The following STK32A variants were observed in gnomAD, a reference collection of about 807,000 sequenced individuals.
STK32A encodes the protein serine/threonine-protein kinase 32A.
In STK32A, 41 loss-of-function variants were observed where a neutral mutation model predicts 53.2. That is an observed-to-expected ratio of 0.77 (90% CI 0.60 to 1.00). STK32A has a LOEUF of 1.00. Among genes scored for constraint, STK32A ranks in the 50% least tolerant of loss-of-function variants. STK32A has a pLI of 0.00. For synonymous variants in STK32A, 166 were observed against 162.8 expected, an observed-to-expected ratio of 1.02 and a Z score of -0.15; for missense variants, 458 against 485.8, an observed-to-expected ratio of 0.94 and a Z score of 0.54.
Position 147,252,602 on chromosome 5 carries a change from A to T in STK32A, c.52+12916A>T, listed in dbSNP as rs187159542. 6.6e-5 allele frequency among the ~76,000 whole-genome samples: 10 copies of T among 152,352 alleles called. No homozygotes were observed. The East Asian group carries it at 1.4e-3, about 21-fold the overall frequency. ...ATGCATAGTTAAAAGCAAGATTTAC[A>T]ATTATAGAAGGAATGCAAATGAGTT... On this transcript the variant is annotated intron_variant, in intron 2 of 12. Coordinates refer to ENST00000397936, the MANE Select transcript of STK32A (RefSeq NM_001112724.2).
chr5:147,242,839 G>T (rs1753634227), intron 2 of STK32A, among the ~76,000 whole-genome samples: 1 of 152,142 alleles, frequency 6.6e-6, no homozygotes, highest in African/African-American at 2.4e-5. Context: ...ATTTTGTAAA[G>T]TTCATTTGAC....
Position 147,278,182 on chromosome 5 carries a change from G to A in STK32A, c.108+3G>A. ...TTGGGAAAGGCAGTTTTGGGAAGGTGAGAACAAATTGAAATGATTAACCAC... is the reference window on the plus strand; with the variant it reads ...TTGGGAAAGGCAGTTTTGGGAAGGTAAGAACAAATTGAAATGATTAACCAC... On this transcript the variant is annotated splice_donor_region_variant and intron_variant, in intron 3 of 12. Coordinates refer to ENST00000397936, the MANE Select transcript of STK32A (RefSeq NM_001112724.2). The A allele has an allele frequency of 6.3e-7, 1 of 1,595,054 alleles. No homozygotes were observed. The highest frequency in any genetic ancestry group is 8.5e-7 in the Non-Finnish European group (1 of 1,169,774).
At chr5:147,368,590 G>A (rs1026012711) in intron 8 of STK32A, among the ~76,000 whole-genome samples, 2 of 152,070 alleles carry the variant, frequency 1.3e-5, no homozygotes, top group East Asian at 1.9e-4. Context: ...CTGGAACATG[G>A]TAGGCATTCA....
chr5:147,248,925 T>TG (rs34996378), intron 2 of STK32A, among the ~76,000 whole-genome samples: 1 of 151,690 alleles, frequency 6.6e-6, no homozygotes, highest in Admixed American at 6.6e-5. Context: ...GATGAAGTAA[T>TG]TTTTTTTTAT....
In STK32A at chr5:147,330,101, G is replaced by C. The variant is rs574332297; in HGVS notation, c.434+6030G>C. On this transcript the variant is annotated intron_variant, in intron 5 of 12. Transcript: ENST00000397936. Reference sequence around the variant, plus strand: ...AAGAACATACCTTTATCAGCTCGCAGTTTCTTTGGGACAGGTGTCTGGGCA... The same window carrying C: ...AAGAACATACCTTTATCAGCTCGCACTTTCTTTGGGACAGGTGTCTGGGCA... Among the ~76,000 whole-genome samples, 9 of 152,272 alleles carry C rather than the reference G, an allele frequency of 5.9e-5. 1 individual carries two copies. In the South Asian group the frequency reaches 1.9e-3, roughly 32 times the overall value.
intron 2 of STK32A, among the ~76,000 whole-genome samples, chr5:147,254,792 A>G (rs1310226790): frequency 6.6e-6 from 1 of 152,170 alleles, no homozygotes; most frequent in African/African-American, 2.4e-5. Flanking sequence ...GGTGATCTGA[A>G]TGAGTCAGGG....
At position 147,328,227 on chromosome 5, in the gene STK32A, A is replaced by G. The variant is rs1895566; in HGVS notation, c.434+4156A>G. The stretch of plus-strand genomic sequence containing the variant: ...TCCTCACTTGTTTCCCTGTGTTAAC[A>G]TAGAAGGGGGTCTTTTTAAAATTTT... On this transcript the variant is annotated intron_variant, in intron 5 of 12. Transcript: ENST00000397936. Among the ~76,000 whole-genome samples, 2,056 of 152,322 alleles carry G rather than the reference A, an allele frequency of 0.013. 139 individuals are homozygous for G. In the East Asian group the frequency reaches 0.2, roughly 15 times the overall value.
intron 4 of STK32A, among the ~76,000 whole-genome samples, chr5:147,289,628 T>C (rs1752506765): frequency 1.3e-5 from 2 of 151,860 alleles, no homozygotes; most frequent in African/African-American, 2.4e-5. Context: ...TATATATGTA[T>C]TATATATATG....
chr5:147,364,998 G>T (rs1756682139), intron 8 of STK32A, among the ~76,000 whole-genome samples: 1 of 152,110 alleles, frequency 6.6e-6, no homozygotes, highest in South Asian at 2.1e-4. Context: ...CTAAAGAATT[G>T]GGTATCTCAA....
intron 7 of STK32A, 126 bp from the exon 8 acceptor site, chr5:147,361,391 T>C: frequency 1.4e-6 from 1 of 715,460 alleles, no homozygotes. Flanking sequence ...TAGCAACGGA[T>C]GATAAACATC....
chr5:147,374,331 T>C (rs183492964), intron 10 of STK32A, among the ~76,000 whole-genome samples: 28 of 151,000 alleles, frequency 1.9e-4, no homozygotes, highest in African/African-American at 6.3e-4. Context: ...AGGCATTTGC[T>C]GTGGGAATGT....
the STK32A span, among the ~76,000 whole-genome samples, chr5:147,394,936 C>T: frequency 5.3e-5 from 8 of 152,154 alleles, no homozygotes; most frequent in Middle Eastern, 3.4e-3. Flanking sequence ...TATAGGAATG[C>T]GAATCTACAT....
At chr5:147,371,854 C>G (rs1302765791) in intron 9 of STK32A, among the ~76,000 whole-genome samples, 1 of 152,120 alleles carries the variant, frequency 6.6e-6, no homozygotes, top group Admixed American at 6.6e-5. Context: ...CAAAAACAAA[C>G]AAAAATAACT....
intron 2 of STK32A, among the ~76,000 whole-genome samples, chr5:147,254,704 G>A (rs1194475858): frequency 6.6e-6 from 1 of 152,178 alleles, no homozygotes; most frequent in Non-Finnish European, 1.5e-5. Context: ...CTAATTTAAA[G>A]AGAATGACGG....
chr5:147,332,784 C>T (rs917926777), intron 5 of STK32A, among the ~76,000 whole-genome samples: 2 of 152,150 alleles, frequency 1.3e-5, no homozygotes, highest in Admixed American at 6.5e-5. Flanking sequence ...CACCTGCTCC[C>T]GAGCTACCGA....
chr5:147,318,430 GCA>G (rs1338615276), intron 4 of STK32A, among the ~76,000 whole-genome samples: 1 of 151,646 alleles, frequency 6.6e-6, no homozygotes, highest in Non-Finnish European at 1.5e-5. Flanking sequence ...GTATATCTTG[GCA>G]CAGTTTTTCG....
At chr5:147,264,351 G>A (rs571987427) in intron 2 of STK32A, among the ~76,000 whole-genome samples, 7 of 152,224 alleles carry the variant, frequency 4.6e-5, no homozygotes, top group Non-Finnish European at 4.4e-5. Context: ...TTATGTCTGA[G>A]GAGAGACATT....
At chr5:147,336,033 A>T (rs2151984421) in intron 5 of STK32A, among the ~76,000 whole-genome samples, 1 of 152,336 alleles carries the variant, frequency 6.6e-6, no homozygotes, top group East Asian at 1.9e-4. Flanking sequence ...ACTGCTTCCC[A>T]AATCAACCTA....
intron 7 of STK32A, among the ~76,000 whole-genome samples, chr5:147,355,167 T>G (rs1028828433): frequency 2.0e-5 from 3 of 152,190 alleles, no homozygotes; most frequent in African/African-American, 7.2e-5. Context: ...CATCTACTAA[T>G]ACAAGATGCT....
Sources: allele counts gnomAD v4.1 joint callset (sites outside exome capture counted in the v4.1 genomes callset), GRCh38; gene constraint gnomAD v4.1.1; transcripts MANE v1.5; gene names NCBI Gene and HGNC (gene_info 2026-07-23, HGNC 2026-07-21).